TRIT1: variants seen among roughly 807,000 people sequenced by gnomAD.
TRIT1 encodes tRNA isopentenyltransferase 1.
Under a neutral mutation model 51.2 loss-of-function variants are expected in TRIT1, and 43 were observed. The ratio of observed to expected loss-of-function variants is 0.84; its 90% CI spans 0.66 to 1.08. TRIT1 has a LOEUF of 1.08. Ranked by LOEUF, TRIT1 falls within the 50% of genes least tolerant of loss-of-function variation. The pLI is 0.00. For synonymous variants in TRIT1, 184 were observed against 203.9 expected, an observed-to-expected ratio of 0.90 and a Z score of 0.83; for missense variants, 528 against 578.4, an observed-to-expected ratio of 0.91 and a Z score of 0.89.
chr1:39,842,290 T>A (rs1219327598), intron 10 of TRIT1, among the ~76,000 whole-genome samples: 1 of 152,156 alleles, frequency 6.6e-6, no homozygotes, highest in Non-Finnish European at 1.5e-5. Flanking sequence ...GACCTATAGC[T>A]CCAAAAAGAG....
At position 39,840,746 on chromosome 1, in the gene TRIT1, G is replaced by A. The variant is rs998564395; in HGVS notation, c.*998C>T. ...CATTGTGAATGTAGTTAATGCTGCT[G>A]AATTATACCCTAAAAATGCTATATT... On this transcript the variant is annotated 3_prime_UTR_variant, in exon 11 of 11. Transcript: ENST00000316891. Among the ~76,000 whole-genome samples the A allele has an allele frequency of 6.6e-6, 1 of 152,188 alleles. No individual in the cohort carries two copies. The highest frequency in any genetic ancestry group is 2.4e-5 in the African/African-American group (1 of 41,428).
At position 39,883,300 on chromosome 1, in the gene TRIT1, C is replaced by A. The variant is rs1233391805; in HGVS notation, c.174+18G>T. 6.3e-7 allele frequency: 1 copy of A among 1,592,856 alleles called. No homozygotes were observed. Among genetic ancestry groups the A allele is most frequent in the African/African-American group, 1.3e-5 (1 of 74,546 alleles). On this transcript the variant is annotated intron_variant, in intron 1 of 10. Coordinates refer to ENST00000316891, the MANE Select transcript of TRIT1 (RefSeq NM_017646.6). ...CCTCCGGGGTCCCCAGGCGCCCGGG[C>A]CAGCCGCACTGCCATACCTGCATGG...
chr1:39,850,267 T>C lies in TRIT1; in HGVS notation c.561-6A>G, dbSNP rs911775460. On this transcript the variant is annotated splice_polypyrimidine_tract_variant and splice_region_variant and intron_variant, in intron 4 of 10. Coordinates refer to ENST00000316891, the MANE Select transcript of TRIT1 (RefSeq NM_017646.6). ...CTTCAAAAACTTGCAAGCTCCTAAG[T>C]AATTTAAAAGGGGAGGGAGGGGGCA... The C allele has an allele frequency of 1.2e-6, 2 of 1,613,940 alleles. No homozygotes were observed. The highest frequency in any genetic ancestry group is 1.7e-6 in the Non-Finnish European group (2 of 1,179,982).
chr1:39,854,241 A>C (rs1642763724), intron 2 of TRIT1, among the ~76,000 whole-genome samples, 173 bp from the exon 3 acceptor site: 1 of 152,226 alleles, frequency 6.6e-6, no homozygotes, highest in Non-Finnish European at 1.5e-5. Context: ...AATCATGTCC[A>C]ATCAGTTCTG....
intron 1 of TRIT1, among the ~76,000 whole-genome samples, chr1:39,871,195 TA>T (rs988983604): frequency 1.7e-4 from 23 of 134,772 alleles, no homozygotes; most frequent in African/African-American, 2.5e-4. Flanking sequence ...CTCCGTCTCA[TA>T]AAAAAAAAAG....
intron 4 of TRIT1, chr1:39,852,418 T>C (rs1642633609): frequency 8.1e-6 from 2 of 247,928 alleles, no homozygotes; most frequent in Non-Finnish European, 1.5e-5. Context: ...ACAAACTGCA[T>C]GCCAGAAAAA....
At chr1:39,880,715 C>T (rs1284114698) in intron 1 of TRIT1, among the ~76,000 whole-genome samples, 1 of 151,344 alleles carries the variant, frequency 6.6e-6, no homozygotes, top group African/African-American at 2.4e-5. Context: ...AGGAGAATTG[C>T]TTGAACCTGG....
At chr1:39,863,734 A>G (rs1643375228) in intron 1 of TRIT1, among the ~76,000 whole-genome samples, 1 of 151,990 alleles carries the variant, frequency 6.6e-6, no homozygotes, top group Non-Finnish European at 1.5e-5. Context: ...AATGAAGGTA[A>G]AAGAAATCTA....
chr1:39,872,813 A>G (rs1230179995), intron 1 of TRIT1, among the ~76,000 whole-genome samples: 1 of 88,018 alleles, frequency 1.1e-5, no homozygotes, highest in South Asian at 3.8e-4. Context: ...AAAGGAAGGA[A>G]GGGAGGGAGG....
At chr1:39,846,914 A>T in intron 8 of TRIT1, 1 of 247,714 alleles carries the variant, frequency 4.0e-6, no homozygotes, top group Non-Finnish European at 7.6e-6. Flanking sequence ...ACAAAACTGA[A>T]GCTAAAAATC....
chr1:39,881,584 A>T (rs181127101), intron 1 of TRIT1: 2 of 151,638 alleles, frequency 1.3e-5, no homozygotes. Context: ...AGTCATGTAC[A>T]GTAGTGAGAA....
chr1:39,883,281 G>A (rs762383364), intron 1 of TRIT1, 37 bp downstream of exon 1: 4 of 1,578,304 alleles, frequency 2.5e-6, no homozygotes, highest in Admixed American at 3.6e-5. Context: ...GCGGCCTCCG[G>A]GGTCCCCAGG....
rs1255573137 is a variant in TRIT1, at chr1:39,839,304, T to C, written c.*2440A>G. On this transcript the variant is annotated 3_prime_UTR_variant, in exon 11 of 11. Transcript: ENST00000316891. ...AAAGCTCTATGGTACTTTTCAGCTCTCAAATGAGATTTGGTATGAGATTTA... is the reference window on the plus strand; with the variant it reads ...AAAGCTCTATGGTACTTTTCAGCTCCCAAATGAGATTTGGTATGAGATTTA... Among the ~76,000 whole-genome samples the C allele has an allele frequency of 6.6e-6, 1 of 152,218 alleles. No individual in the cohort carries two copies. Among genetic ancestry groups the C allele is most frequent in the Non-Finnish European group, 1.5e-5 (1 of 68,042 alleles).
At chr1:39,855,632 T>C (rs552564963) in intron 2 of TRIT1, among the ~76,000 whole-genome samples, 7 of 152,334 alleles carry the variant, frequency 4.6e-5, no homozygotes, top group African/African-American at 1.7e-4. Context: ...TTTTGGATTT[T>C]AGATTTTCAG....
At chr1:39,868,037 C>T (rs956700475) in intron 1 of TRIT1, among the ~76,000 whole-genome samples, 10 of 151,808 alleles carry the variant, frequency 6.6e-5, no homozygotes, top group Admixed American at 3.3e-4. Flanking sequence ...CTCCGCCTCC[C>T]GGGTTCATGC....
At position 39,869,085 on chromosome 1, in the gene TRIT1, C is replaced by T. The variant is rs181602742; in HGVS notation, c.175-11668G>A. Among the ~76,000 whole-genome samples the T allele has an allele frequency of 9.7e-4, 147 of 151,910 alleles. 1 individual carries two copies. Among genetic ancestry groups the T allele is most frequent in the African/African-American group, 3.2e-3 (131 of 41,464 alleles). On this transcript the variant is annotated intron_variant, in intron 1 of 10. Transcript: ENST00000316891. ...GAAAAAAAGCTCTCCCTCTCCCTCT[C>T]CCCCTCCCCCTCCCTCTCCCCATGG...
chr1:39,882,312 G>A (rs970212859), intron 1 of TRIT1, among the ~76,000 whole-genome samples: 2 of 152,212 alleles, frequency 1.3e-5, no homozygotes, highest in Non-Finnish European at 2.9e-5. Flanking sequence ...ATGCCCACTG[G>A]CTTCTGGGTG....
At chr1:39,858,308 T>TAA (rs993459446) in intron 1 of TRIT1, among the ~76,000 whole-genome samples, 1 of 152,204 alleles carries the variant, frequency 6.6e-6, no homozygotes, top group Non-Finnish European at 1.5e-5. Context: ...CAGTACAGTG[T>TAA]AATGGTTAGG....
chr1:39,848,409 T>A (rs900061675), intron 5 of TRIT1, among the ~76,000 whole-genome samples: 1 of 151,968 alleles, frequency 6.6e-6, no homozygotes, highest in Non-Finnish European at 1.5e-5. Flanking sequence ...TGGCTGAGGA[T>A]CCCCTGGTTT....
Sources: gnomAD v4.1 joint callset for allele counts (sites outside exome capture counted in the v4.1 genomes callset) on GRCh38, gnomAD v4.1.1 for gene constraint, MANE v1.5 for transcripts, NCBI Gene and HGNC (gene_info 2026-07-23, HGNC 2026-07-21) for gene names.